Variants in PHF20 observed in about 807,000 individuals in gnomAD.
The protein encoded by PHF20 is PHD finger protein 20, also known as glioma-expressed antigen 2.
In PHF20, 23 loss-of-function variants were observed where a neutral mutation model predicts 113.5. The ratio of observed to expected loss-of-function variants is 0.20; its 90% CI spans 0.15 to 0.29. The LOEUF is 0.29. PHF20 is among the 10% of genes least tolerant of loss of function. The pLI is 1.00. For missense variants in PHF20, 943 were observed against 1,219.6 expected (o/e 0.77, Z 3.38); for synonymous variants, 434 against 457.3 (o/e 0.95, Z 0.65).
chr20:35,942,875 G>A (rs988844458), intron 17 of PHF20, among the ~76,000 whole-genome samples: 1 of 151,802 alleles, frequency 6.6e-6, no homozygotes, highest in Non-Finnish European at 1.5e-5. Context: ...CCGGGCTGGA[G>A]TGCAGTGGTG....
intron 5 of PHF20, among the ~76,000 whole-genome samples, chr20:35,860,823 A>T (rs1462584807): frequency 6.6e-6 from 1 of 152,200 alleles, no homozygotes; most frequent in Non-Finnish European, 1.5e-5. Flanking sequence ...GGCAGGTTAT[A>T]TCCAGAACCT....
intron 2 of PHF20, among the ~76,000 whole-genome samples, chr20:35,831,144 C>T (rs939703766): frequency 8.2e-5 from 11 of 134,488 alleles, no homozygotes; most frequent in Non-Finnish European, 1.6e-4. Flanking sequence ...TCCCTCTCTT[C>T]CTCCCTCCCT....
intron 9 of PHF20, among the ~76,000 whole-genome samples, chr20:35,893,088 T>A (rs971962121): frequency 6.6e-6 from 1 of 152,232 alleles, no homozygotes; most frequent in South Asian, 2.1e-4. Flanking sequence ...GTACTGCCTG[T>A]CAGAGGCAGC....
intron 2 of PHF20, among the ~76,000 whole-genome samples, chr20:35,832,559 G>A (rs2042373048): frequency 6.6e-6 from 1 of 152,232 alleles, no homozygotes. Flanking sequence ...ACTTGAGATA[G>A]TGTAGTCAGA....
chr20:35,948,383 A>G lies in PHF20; in HGVS notation c.*756A>G, dbSNP rs2056122975. On this transcript the variant is annotated 3_prime_UTR_variant, in exon 18 of 18. Coordinates refer to ENST00000374012, the MANE Select transcript of PHF20 (RefSeq NM_016436.5). ...TGGAACCCAAAGGACAGCATTTTCT[A>G]CCCACTTCTTAATATTGACAGCTTC... is the stretch of plus-strand genomic sequence containing the variant. 6.6e-6 allele frequency: 1 copy of G among 152,592 alleles called. No individual in the cohort carries two copies. Among genetic ancestry groups the G allele is most frequent in the African/African-American group, 2.4e-5 (1 of 41,440 alleles). 9.5% of individuals were successfully genotyped at this position (152,592 alleles called of 1,614,324 possible).
intron 2 of PHF20, among the ~76,000 whole-genome samples, chr20:35,803,181 G>A (rs1447235870): frequency 2.6e-5 from 4 of 151,240 alleles, no homozygotes; most frequent in Non-Finnish European, 4.4e-5. Flanking sequence ...GAACCTGGGA[G>A]GTGGAGGCTG....
At chr20:35,944,216 A>G (rs779331684) in intron 17 of PHF20, among the ~76,000 whole-genome samples, 7 of 152,126 alleles carry the variant, frequency 4.6e-5, no homozygotes, top group Non-Finnish European at 1.0e-4. Context: ...TCCAGAGGAG[A>G]TGCTGTTGAC....
At chr20:35,881,715 T>C (rs1029250911) in intron 9 of PHF20, among the ~76,000 whole-genome samples, 1 of 152,218 alleles carries the variant, frequency 6.6e-6, no homozygotes, top group Non-Finnish European at 1.5e-5. Context: ...TATGCTTTTT[T>C]TGGGCAATTG....
At chr20:35,782,087 G>A (rs562263460) in intron 1 of PHF20, among the ~76,000 whole-genome samples, 2 of 152,048 alleles carry the variant, frequency 1.3e-5, no homozygotes, top group Admixed American at 1.3e-4. Flanking sequence ...TGAGGCTCCT[G>A]GGCATGACTG....
At position 35,863,098 on chromosome 20, in the gene PHF20, A is replaced by G; in HGVS notation, c.506A>G (p.Gln169Arg). The G allele has an allele frequency of 6.2e-7, 1 of 1,613,086 alleles. No homozygotes were observed. Among genetic ancestry groups the G allele is most frequent in the Non-Finnish European group, 8.5e-7 (1 of 1,179,764 alleles). The change falls in exon 6 of 18, where the codon CAG becomes CGG. Residue 169 changes from glutamine to arginine, a missense_variant. This residue lies in a region of PHF20 where 592 missense variants were observed against 787.2 expected (regional missense o/e 0.75). Transcript: ENST00000374012. ...SPDKREKFKE[Q>R]RKATVNVKKD... ...GATAAACGAGAGAAGTTTAAAGAAC[A>G]GAGAAAAGCAACAGTGAATGTGAAG...
intron 2 of PHF20, among the ~76,000 whole-genome samples, chr20:35,836,773 C>A (rs574771992): frequency 7.1e-6 from 1 of 141,608 alleles, no homozygotes; most frequent in Admixed American, 7.4e-5. Context: ...GAACCCCCGG[C>A]GGGGCAGAGC....
rs563656292 is a variant in PHF20, at chr20:35,942,846, T to C, written c.2896+1799T>C. Among the ~76,000 whole-genome samples the C allele has an allele frequency of 6.6e-5, 10 of 152,146 alleles. No homozygotes were observed. The South Asian group carries it at 1.9e-3, about 28-fold the overall frequency. On this transcript the variant is annotated intron_variant, in intron 17 of 17. Transcript: ENST00000374012. Reference sequence around the variant, plus strand: ...TTCTTTCTTTCTTTTTTTTTTGAGATGGAGTCTCGCTCTGTTGCCCGGGCT... The same window carrying C: ...TTCTTTCTTTCTTTTTTTTTTGAGACGGAGTCTCGCTCTGTTGCCCGGGCT...
chr20:35,910,075 A>G (rs764847745), intron 10 of PHF20, among the ~76,000 whole-genome samples: 37 of 152,350 alleles, frequency 2.4e-4, no homozygotes, highest in Middle Eastern at 3.4e-3. Context: ...TGCTTTGTGG[A>G]TATCTTGATT....
At chr20:35,894,461 A>C (rs1350903137) in intron 9 of PHF20, among the ~76,000 whole-genome samples, 1 of 152,224 alleles carries the variant, frequency 6.6e-6, no homozygotes, top group Non-Finnish European at 1.5e-5. Flanking sequence ...TGAAAGGTAG[A>C]CCTGGGATTA....
chr20:35,842,756 A>G lies in PHF20; in HGVS notation c.255+12A>G, dbSNP rs2042555608. 1.9e-6 allele frequency: 3 copies of G among 1,611,500 alleles called. No individual in the cohort carries two copies. Among genetic ancestry groups the G allele is most frequent in the East Asian group, 2.2e-5 (1 of 44,872 alleles). On this transcript the variant is annotated intron_variant, in intron 3 of 17. Transcript: ENST00000374012. ...AGGATGGATCTTCTGTGAGTAACAA[A>G]TCTGGGAAGTTCTGTAGTATGCAAG...
chr20:35,896,263 A>G (rs967005326), intron 9 of PHF20, among the ~76,000 whole-genome samples: 2 of 152,138 alleles, frequency 1.3e-5, no homozygotes, highest in Non-Finnish European at 2.9e-5. Context: ...AGTAATCATA[A>G]TACTTACCAA....
intron 3 of PHF20, among the ~76,000 whole-genome samples, chr20:35,844,165 C>T (rs1173401778): frequency 6.6e-6 from 1 of 151,874 alleles, no homozygotes; most frequent in Non-Finnish European, 1.5e-5. Flanking sequence ...TGCAGTGGCT[C>T]GATCTCACCT....
intron 9 of PHF20, among the ~76,000 whole-genome samples, chr20:35,881,779 A>G (rs748241720): frequency 6.6e-6 from 1 of 152,234 alleles, no homozygotes; most frequent in Non-Finnish European, 1.5e-5. Flanking sequence ...GGATAATTCA[A>G]CTAACATTCT....
intron 9 of PHF20, among the ~76,000 whole-genome samples, chr20:35,877,320 CA>C (rs565600863): frequency 0.012 from 835 of 67,520 alleles, 1 homozygote; most frequent in African/African-American, 0.019. Context: ...GACTCCATCT[CA>C]AAAAAAAAAA....
Sources: gnomAD v4.1 joint callset for allele counts (sites outside exome capture counted in the v4.1 genomes callset) on GRCh38, gnomAD v4.1.1 for gene constraint, gnomAD v4.1.1 regional missense constraint, MANE v1.5 for transcripts, NCBI Gene and HGNC (gene_info 2026-07-23, HGNC 2026-07-21) for gene names.